DMD: variants seen among roughly 807,000 people sequenced by gnomAD.
DMD encodes the protein mutant dystrophin.
DMD carries 63 observed loss-of-function variants against 330.1 expected under a neutral mutation model. The ratio of observed to expected loss-of-function variants is 0.19; its 90% CI spans 0.16 to 0.24. The LOEUF (loss-of-function observed/expected upper bound fraction) is 0.24, where lower values mean the gene tolerates loss of function less well. Ranked by LOEUF, DMD falls within the 10% of genes least tolerant of loss-of-function variation. The pLI, the probability that DMD is intolerant of heterozygous loss-of-function variation, is 1.00. For missense variants in DMD, 3,344 were observed against 2,684.1 expected, an observed-to-expected ratio of 1.25 and a Z score of -5.43; for synonymous variants, 1,223 against 959.8, an observed-to-expected ratio of 1.27 and a Z score of -5.07.
At chrX:32,274,960 C>G (rs1236028622) in intron 43 of DMD, among the ~76,000 whole-genome samples, 1 of 111,694 alleles carries the variant, frequency 9.0e-6, no homozygotes, top group East Asian at 2.8e-4. Context: ...TAATTGGCAT[C>G]AATAGTCAAA....
intron 44 of DMD, among the ~76,000 whole-genome samples, chrX:31,985,981 G>A (rs2095506382): frequency 9.0e-6 from 1 of 111,517 alleles, no homozygotes; most frequent in Non-Finnish European, 1.9e-5. Context: ...CATGTATGAC[G>A]CTCCCGAGTC....
rs1047342706 is a variant in DMD at position 31,164,455 on chromosome X, T to C, written c.10553+4988A>G. Among the ~76,000 whole-genome samples the C allele has an allele frequency of 6.3e-5, 7 of 111,675 alleles. No homozygotes were observed. The East Asian group carries it at 2.0e-3, about 32-fold the overall frequency. On this transcript the variant is annotated intron_variant, in intron 74 of 78. Coordinates refer to ENST00000357033, the MANE Select transcript of DMD (RefSeq NM_004006.3). ...GGACCTGCTGCAACTCCTCCTGAATTATCAGTCCCAGCTGCAAATAACTAC... is the reference window on the plus strand; with the variant it reads ...GGACCTGCTGCAACTCCTCCTGAATCATCAGTCCCAGCTGCAAATAACTAC...
intron 49 of DMD, among the ~76,000 whole-genome samples, chrX:31,831,113 G>T (rs2093019676): frequency 8.9e-6 from 1 of 112,148 alleles, no homozygotes; most frequent in Non-Finnish European, 1.9e-5. Context: ...ACACTCTGAA[G>T]TGTTTTACGC....
intron 2 of DMD, among the ~76,000 whole-genome samples, chrX:32,949,391 TAGACAGACAGAC>T (rs1185901672): frequency 1.3e-5 from 1 of 76,377 alleles, no homozygotes; most frequent in Non-Finnish European, 2.6e-5. Flanking sequence ...GATAGATAGA[TAGACAGACAGAC>T]AGACAGACAG....
chrX:31,813,364 G>A (rs766438172), intron 50 of DMD, among the ~76,000 whole-genome samples: 2 of 111,775 alleles, frequency 1.8e-5, no homozygotes, highest in Admixed American at 9.5e-5. Flanking sequence ...TAATCCCCAC[G>A]TGTTGTGGGA....
chrX:31,651,841 A>C (rs1040240672), intron 54 of DMD, among the ~76,000 whole-genome samples: 4 of 111,762 alleles, frequency 3.6e-5, no homozygotes, highest in African/African-American at 6.5e-5. Flanking sequence ...TTATGACAAC[A>C]GTTTCCTAAT....
At chrX:33,218,966 C>T (rs1317573218) in intron 1 of DMD, among the ~76,000 whole-genome samples, 1 of 110,894 alleles carries the variant, frequency 9.0e-6, no homozygotes, top group African/African-American at 3.3e-5. Context: ...TCTTCTATTT[C>T]TTTCTGACTT....
At chrX:32,692,959 A>G (rs2063389723) in intron 9 of DMD, among the ~76,000 whole-genome samples, 1 of 112,219 alleles carries the variant, frequency 8.9e-6, no homozygotes, top group Non-Finnish European at 1.9e-5. Flanking sequence ...TGAGTTAGAA[A>G]CAGTTTCAAT....
intron 5 of DMD, among the ~76,000 whole-genome samples, chrX:32,819,733 G>A (rs764596777): frequency 1.7e-4 from 19 of 108,876 alleles, no homozygotes; most frequent in African/African-American, 6.7e-5. Flanking sequence ...TGTAAATGCC[G>A]CTCGTTATCT....
intron 44 of DMD, among the ~76,000 whole-genome samples, chrX:32,085,691 C>T (rs1237658659): frequency 1.4e-4 from 14 of 96,846 alleles, no homozygotes; most frequent in Admixed American, 5.7e-4. Flanking sequence ...TATATATATA[C>T]GTATATATAC....
intron 1 of DMD, among the ~76,000 whole-genome samples, chrX:33,074,367 T>G (rs2094806223): frequency 9.0e-6 from 1 of 111,623 alleles, no homozygotes; most frequent in Non-Finnish European, 1.9e-5. Flanking sequence ...ATTGCTCAAT[T>G]AAACTCCTTT....
chrX:32,015,651 C>T (rs1437502140), intron 44 of DMD, among the ~76,000 whole-genome samples: 2 of 111,995 alleles, frequency 1.8e-5, no homozygotes, highest in South Asian at 3.7e-4. Context: ...GCTTTCAAGA[C>T]ATTTTCACCA....
chrX:33,198,324 T>C (rs2051075591), intron 1 of DMD, among the ~76,000 whole-genome samples: 1 of 111,044 alleles, frequency 9.0e-6, no homozygotes, highest in African/African-American at 3.3e-5. Flanking sequence ...ATATTCTAGA[T>C]ACTAGTTCTT....
intron 43 of DMD, among the ~76,000 whole-genome samples, chrX:32,225,813 C>G (rs1181796247): frequency 1.8e-5 from 2 of 110,032 alleles, no homozygotes; most frequent in African/African-American, 6.6e-5. Flanking sequence ...CTGAGGCCTC[C>G]CCAGAAACAG....
At chrX:31,632,289 C>T (rs1423333910) in intron 54 of DMD, among the ~76,000 whole-genome samples, 1 of 111,693 alleles carries the variant, frequency 9.0e-6, no homozygotes, top group Non-Finnish European at 1.9e-5. Flanking sequence ...TGTATACACA[C>T]CATTCTACTA....
intron 7 of DMD, among the ~76,000 whole-genome samples, chrX:32,747,061 C>G (rs898861967): frequency 8.9e-6 from 1 of 111,796 alleles, no homozygotes. Context: ...AATAATATTC[C>G]ATTGTGTTTA....
chrX:33,295,829 A>G (rs1169858694), intron 1 of DMD, among the ~76,000 whole-genome samples: 1 of 111,306 alleles, frequency 9.0e-6, no homozygotes, highest in Non-Finnish European at 1.9e-5. Flanking sequence ...TTTCTGTGCT[A>G]TCTAGATAAA....
At chrX:32,311,952 T>G (rs996530785) in intron 41 of DMD, among the ~76,000 whole-genome samples, 8 of 111,654 alleles carry the variant, frequency 7.2e-5, no homozygotes, top group African/African-American at 2.3e-4. Context: ...CTCGTCTTTC[T>G]TATTCACGTT....
intron 44 of DMD, among the ~76,000 whole-genome samples, chrX:32,047,116 G>A (rs772545655): frequency 2.7e-5 from 3 of 110,994 alleles, no homozygotes; most frequent in African/African-American, 9.8e-5. Flanking sequence ...CACTTTTTAG[G>A]CTTCATATGC....
Sources: gnomAD v4.1 joint callset for allele counts (sites outside exome capture counted in the v4.1 genomes callset) on GRCh38, gnomAD v4.1.1 for gene constraint, MANE v1.5 for transcripts, NCBI Gene and HGNC (gene_info 2026-07-23, HGNC 2026-07-21) for gene names.